Variants in KLHL18 observed in about 807,000 individuals in gnomAD.
KLHL18 encodes kelch like family member 18.
KLHL18 carries 38 observed loss-of-function variants against 58.5 expected under a neutral mutation model. The observed-to-expected ratio is 0.65, with a 90% CI of 0.50 to 0.85. The LOEUF (loss-of-function observed/expected upper bound fraction) is 0.85. Among genes scored for constraint, KLHL18 ranks in the 40% least tolerant of loss-of-function variants. KLHL18 has a pLI of 0.00. For missense variants in KLHL18, 624 were observed against 778.4 expected (o/e 0.80, Z 2.36); for synonymous variants, 303 against 301.9 (o/e 1.00, Z -0.04).
intron 1 of KLHL18, among the ~76,000 whole-genome samples, chr3:47,284,180 T>A (rs1440584631): frequency 1.3e-5 from 2 of 151,928 alleles, no homozygotes; most frequent in Non-Finnish European, 2.9e-5. Context: ...TGCAGTGAGT[T>A]GTAATCACAC....
At position 47,292,904 on chromosome 3, in the gene KLHL18, C is replaced by CA. The variant is rs35830922; in HGVS notation, c.129+9829dup. Among the ~76,000 whole-genome samples the CA allele has an allele frequency of 2.8e-3, 303 of 109,314 alleles. 2 individuals are homozygous for CA. The highest frequency in any genetic ancestry group is 7.1e-3 in the East Asian group (26 of 3,684). 71.7% of individuals were successfully genotyped at this position (109,314 alleles called of 152,430 possible). A position where few individuals can be genotyped will look rare whatever the true frequency, so the allele number is the denominator to read the frequency against. The stretch of plus-strand genomic sequence containing the variant: ...CCTGGGCAACAGCGAGACCCTGTCT[C>CA]AAAAAAAAAAAAAAAAAAAGTATAT... On this transcript the variant is annotated intron_variant, in intron 1 of 9. Transcript: ENST00000232766.
In KLHL18 at chr3:47,333,322, G is replaced by T; in HGVS notation, c.761+5G>T. The T allele has an allele frequency of 6.2e-7, 1 of 1,612,588 alleles. No homozygotes were observed. Among genetic ancestry groups the T allele is most frequent in the Non-Finnish European group, 8.5e-7 (1 of 1,179,122 alleles). On this transcript the variant is annotated splice_donor_5th_base_variant and intron_variant, in intron 5 of 9. Coordinates refer to ENST00000232766, the MANE Select transcript of KLHL18 (RefSeq NM_025010.5). ...GCGTTGCTGCCACAAATGCAGGTGA[G>T]TGAGGGTGGACCTGCACAGGACACT...
intron 9 of KLHL18, among the ~76,000 whole-genome samples, chr3:47,343,350 G>C (rs754710363): frequency 1.3e-4 from 20 of 152,316 alleles, no homozygotes; most frequent in Non-Finnish European, 2.5e-4. Flanking sequence ...GATGCAAACA[G>C]AAAGGGTTAG....
At chr3:47,303,189 A>G (rs1451876230) in intron 1 of KLHL18, among the ~76,000 whole-genome samples, 2 of 152,216 alleles carry the variant, frequency 1.3e-5, no homozygotes, top group African/African-American at 4.8e-5. Context: ...TTCTATAACA[A>G]TGATGGCATC....
intron 1 of KLHL18, among the ~76,000 whole-genome samples, chr3:47,286,231 C>T (rs1702674028): frequency 6.6e-6 from 1 of 152,154 alleles, no homozygotes; most frequent in Admixed American, 6.6e-5. Context: ...AGAGCATTTA[C>T]TTCACTGATT....
chr3:47,292,812 G>A (rs1244395837), intron 1 of KLHL18, among the ~76,000 whole-genome samples: 1 of 151,406 alleles, frequency 6.6e-6, no homozygotes, highest in African/African-American at 2.4e-5. Flanking sequence ...AGGCTGAGGT[G>A]CGAGAATCAC....
intron 1 of KLHL18, among the ~76,000 whole-genome samples, chr3:47,289,404 A>T (rs1702743634): frequency 6.6e-6 from 1 of 152,208 alleles, no homozygotes; most frequent in South Asian, 2.1e-4. Context: ...TACCCACTAA[A>T]TGTAGGCACA....
chr3:47,293,190 C>T (rs971294185), intron 1 of KLHL18, among the ~76,000 whole-genome samples: 1 of 152,132 alleles, frequency 6.6e-6, no homozygotes, highest in Non-Finnish European at 1.5e-5. Context: ...ATGAAGAATT[C>T]TGGAGACAGA....
intron 3 of KLHL18, 64 bp from the exon 4 acceptor site, chr3:47,329,887 T>G (rs1703813421): frequency 7.0e-7 from 1 of 1,434,030 alleles, no homozygotes; most frequent in Non-Finnish European, 9.8e-7. Context: ...AGAACCAGCC[T>G]GAGAATGATC....
At chr3:47,327,258 A>G (rs1703747979) in intron 3 of KLHL18, among the ~76,000 whole-genome samples, 1 of 152,208 alleles carries the variant, frequency 6.6e-6, no homozygotes, top group Admixed American at 6.5e-5. Context: ...AAAAGGGAAA[A>G]AAAAAGGTGT....
At chr3:47,300,534 A>G (rs1400694694) in intron 1 of KLHL18, among the ~76,000 whole-genome samples, 1 of 149,544 alleles carries the variant, frequency 6.7e-6, no homozygotes, top group Non-Finnish European at 1.5e-5. Context: ...ATGAACCACC[A>G]TGTTACAGGC....
intron 2 of KLHL18, among the ~76,000 whole-genome samples, chr3:47,320,383 T>C (rs1703557400): frequency 6.6e-6 from 1 of 152,214 alleles, no homozygotes; most frequent in Non-Finnish European, 1.5e-5. Flanking sequence ...GGCTACTATA[T>C]TAGACAACAC....
intron 3 of KLHL18, among the ~76,000 whole-genome samples, chr3:47,323,606 C>T (rs551987066): frequency 3.3e-5 from 5 of 152,212 alleles, no homozygotes; most frequent in Admixed American, 6.5e-5. Flanking sequence ...CTCCCTCCCC[C>T]TCAAGAGCCA....
chr3:47,343,884 C>A lies in KLHL18; in HGVS notation c.1668C>A (p.Pro556=). The change falls in exon 10 of 10, where the codon CCC becomes CCA. Residue 556 remains proline (P), a synonymous_variant. Transcript: ENST00000232766. ...PETDCWTFMA[P]MACHEGGVGV... is the part of the protein sequence containing the mutation. ...CAGACTGCTGGACATTCATGGCCCC[C>A]ATGGCGTGCCATGAGGGAGGGGTCG... 1 of 1,614,158 alleles carries A rather than the reference C, an allele frequency of 6.2e-7. No individual in the cohort carries two copies. The highest frequency in any genetic ancestry group is 8.5e-7 in the Non-Finnish European group (1 of 1,180,024).
At chr3:47,304,453 C>T (rs1298568123) in intron 1 of KLHL18, among the ~76,000 whole-genome samples, 2 of 151,868 alleles carry the variant, frequency 1.3e-5, no homozygotes, top group African/African-American at 2.4e-5. Context: ...TAGTGAGCTA[C>T]GATTATGCCA....
chr3:47,286,285 T>C (rs945968108), intron 1 of KLHL18, among the ~76,000 whole-genome samples: 1 of 152,190 alleles, frequency 6.6e-6, no homozygotes, highest in Admixed American at 6.5e-5. Context: ...TCTGTAGCAA[T>C]ATAATGGTGG....
At chr3:47,335,588 A>G (rs959068711) in intron 6 of KLHL18, among the ~76,000 whole-genome samples, 1 of 151,916 alleles carries the variant, frequency 6.6e-6, no homozygotes, top group Admixed American at 6.6e-5. Flanking sequence ...GCTCACTGCA[A>G]CCTCTGCCTC....
intron 1 of KLHL18, among the ~76,000 whole-genome samples, chr3:47,291,066 C>T (rs1576131312): frequency 1.3e-5 from 2 of 152,256 alleles, no homozygotes; most frequent in South Asian, 2.1e-4. Context: ...CTGACTGGCT[C>T]GCCAGGTACA....
chr3:47,289,188 G>A (rs1053167132), intron 1 of KLHL18, among the ~76,000 whole-genome samples: 1 of 152,170 alleles, frequency 6.6e-6, no homozygotes, highest in Non-Finnish European at 1.5e-5. Flanking sequence ...TAAGCTTAAA[G>A]GAGAGAGGAG....
Sources: allele counts gnomAD v4.1 joint callset (sites outside exome capture counted in the v4.1 genomes callset), GRCh38; gene constraint gnomAD v4.1.1; transcripts MANE v1.5; gene names NCBI Gene and HGNC (gene_info 2026-07-23, HGNC 2026-07-21).